The following UGGT2 variants were observed in gnomAD, a reference collection of about 807,000 sequenced individuals.
UGGT2 encodes the protein UDP-glucose glycoprotein glucosyltransferase 2, also known as UDP-glucose:glycoprotein glucosyltransferase 2.
UGGT2 carries 180 observed loss-of-function variants against 192.1 expected under a neutral mutation model. That is an observed-to-expected ratio of 0.94 (90% CI 0.83 to 1.06). UGGT2 has a LOEUF of 1.06. Among genes scored for constraint, UGGT2 ranks in the 50% least tolerant of loss-of-function variants. The probability of loss-of-function intolerance (pLI) is 0.00; values close to 1 mark genes in which losing one functional copy is unlikely to be tolerated. For missense variants in UGGT2, 1,849 were observed against 1,795.7 expected (o/e 1.03, Z -0.54); for synonymous variants, 580 against 591.0 (o/e 0.98, Z 0.27).
At chr13:95,992,165 T>C (rs1868852401) in intron 7 of UGGT2, among the ~76,000 whole-genome samples, 1 of 151,996 alleles carries the variant, frequency 6.6e-6, no homozygotes, top group Non-Finnish European at 1.5e-5. Context: ...CTAGACTCCG[T>C]CTCAAAGAAA....
At chr13:95,977,345 A>G (rs2050970300) in intron 10 of UGGT2, among the ~76,000 whole-genome samples, 2 of 152,228 alleles carry the variant, frequency 1.3e-5, no homozygotes. Context: ...GAACTTAAAC[A>G]AATTTACAAG....
chr13:96,023,310 G>T (rs2052568473), intron 3 of UGGT2, among the ~76,000 whole-genome samples, 158 bp from the exon 4 acceptor site: 1 of 151,974 alleles, frequency 6.6e-6, no homozygotes, highest in Non-Finnish European at 1.5e-5. Flanking sequence ...TAGAATCTAA[G>T]AAATATTTTA....
intron 31 of UGGT2, among the ~76,000 whole-genome samples, chr13:95,861,968 C>A (rs1890210397): frequency 6.6e-6 from 1 of 152,178 alleles, no homozygotes; most frequent in South Asian, 2.1e-4. Context: ...TTTAATATAG[C>A]AAGTGGCTAT....
intron 1 of UGGT2, among the ~76,000 whole-genome samples, chr13:96,039,343 A>T (rs554560464): frequency 6.6e-6 from 1 of 152,082 alleles, no homozygotes; most frequent in Non-Finnish European, 1.5e-5. Context: ...ATTCCCCAAA[A>T]CTTTGTAAGA....
intron 20 of UGGT2, among the ~76,000 whole-genome samples, chr13:95,922,469 TAAAGTCATATTG>T (rs1170603234): frequency 6.6e-6 from 1 of 152,094 alleles, no homozygotes. Context: ...TAAAAATAAA[TAAAGTCATATTG>T]AAAGAAAAAT....
intron 36 of UGGT2, among the ~76,000 whole-genome samples, chr13:95,849,839 T>C (rs8000849): frequency 0.37 from 54,421 of 148,540 alleles, 10,330 homozygotes; most frequent in Non-Finnish European, 0.42. Flanking sequence ...ATATATTAAT[T>C]TTTTATATAT....
chr13:95,810,369 T>A (rs1884521969), intron 38 of UGGT2, among the ~76,000 whole-genome samples: 1 of 152,240 alleles, frequency 6.6e-6, no homozygotes, highest in Non-Finnish European at 1.5e-5. Context: ...TAGCATAGTA[T>A]ATACTACAGT....
chr13:96,021,582 AAC>A (rs2052517623), intron 4 of UGGT2, among the ~76,000 whole-genome samples: 1 of 152,358 alleles, frequency 6.6e-6, no homozygotes, highest in Non-Finnish European at 1.5e-5. Context: ...TTCATTTATT[AAC>A]ACAGAAACAT....
intron 20 of UGGT2, among the ~76,000 whole-genome samples, chr13:95,909,242 C>T (rs1430415838): frequency 6.6e-6 from 1 of 152,116 alleles, no homozygotes; most frequent in African/African-American, 2.4e-5. Context: ...CCCAGCCATC[C>T]CATTACTGGG....
At chr13:95,864,534 G>T (rs953146266) in intron 30 of UGGT2, among the ~76,000 whole-genome samples, 1 of 152,264 alleles carries the variant, frequency 6.6e-6, no homozygotes. Context: ...CTCTTGCTGG[G>T]TTAGATGAAT....
intron 12 of UGGT2, among the ~76,000 whole-genome samples, chr13:95,952,705 T>G (rs1467305153): frequency 2.9e-4 from 44 of 152,144 alleles, no homozygotes; most frequent in Admixed American, 2.9e-3. Context: ...TTTGTGGGTT[T>G]TTTCCCTTCT....
intron 29 of UGGT2, among the ~76,000 whole-genome samples, chr13:95,869,241 T>A (rs1381208726): frequency 2.0e-5 from 3 of 152,110 alleles, no homozygotes; most frequent in Non-Finnish European, 4.4e-5. Context: ...GGCTGCATAG[T>A]ATTCCATGGT....
chr13:95,991,957 GATC>G (rs2051471704), intron 7 of UGGT2, among the ~76,000 whole-genome samples: 1 of 152,128 alleles, frequency 6.6e-6, no homozygotes, highest in South Asian at 2.1e-4. Flanking sequence ...GAGGTCAGGA[GATC>G]AAGACCATCC....
chr13:96,009,129 G>A (rs907377236), intron 5 of UGGT2, among the ~76,000 whole-genome samples: 1 of 152,108 alleles, frequency 6.6e-6, no homozygotes, highest in Non-Finnish European at 1.5e-5. Context: ...TGGGAAAACT[G>A]GCTAGCCATA....
At chr13:96,026,161 A>G (rs1384178936) in intron 2 of UGGT2, among the ~76,000 whole-genome samples, 1 of 151,548 alleles carries the variant, frequency 6.6e-6, no homozygotes, top group Non-Finnish European at 1.5e-5. Context: ...AACATTCTCT[A>G]GTTTAAAAAA....
chr13:95,843,560 A>G (rs907647978), intron 36 of UGGT2, among the ~76,000 whole-genome samples: 9 of 152,164 alleles, frequency 5.9e-5, no homozygotes, highest in Admixed American at 5.9e-4. Context: ...TTAACTCAAG[A>G]TCACAGAGAT....
In UGGT2 at chr13:95,927,275, G is replaced by C. The variant is rs750639217; in HGVS notation, c.2039C>G (p.Pro680Arg). ...DFLMDRNNVVPRINTLILRTN... is the reference protein window; with the variant it reads ...DFLMDRNNVVRRINTLILRTN... ...ACGCAAAATCAAAGTATTTATACGG[G>C]GTACAACATTATTCCTATCCATTAG... Residue 680 changes from proline to arginine, a missense_variant, in exon 18 of 39, where the codon CCC (proline) becomes CGC (arginine). Coordinates refer to ENST00000376747, the MANE Select transcript of UGGT2 (RefSeq NM_020121.4). The C allele has an allele frequency of 3.7e-6, 6 of 1,612,014 alleles. No individual in the cohort carries two copies. Among genetic ancestry groups the C allele is most frequent in the Non-Finnish European group, 5.1e-6 (6 of 1,179,260 alleles).
chr13:95,860,813 C>T lies in UGGT2; in HGVS notation c.3715G>A (p.Gly1239Ser), dbSNP rs775380168. The T allele has an allele frequency of 1.9e-5, 30 of 1,551,962 alleles. No homozygotes were observed. The South Asian group carries it at 3.4e-4, about 17-fold the overall frequency. ...DVLNIFSVAS[G>S]HLYERFLRIM... ...CTTAAAAAACGTTCATATAAATGAC[C>T]AGAAGCAACTGAAAAAATGTTTAGG... The change falls in exon 32 of 39, where the codon GGT (glycine) becomes AGT (serine). Residue 1239 changes from glycine to serine, a missense_variant. Transcript: ENST00000376747.
intron 36 of UGGT2, among the ~76,000 whole-genome samples, chr13:95,852,815 T>TG (rs1168620542): frequency 1.3e-5 from 2 of 151,738 alleles, no homozygotes; most frequent in Non-Finnish European, 2.9e-5. Flanking sequence ...AATATCAGGG[T>TG]GGGGGTGCAC....
Sources: gnomAD v4.1 joint callset for allele counts (sites outside exome capture counted in the v4.1 genomes callset) on GRCh38, gnomAD v4.1.1 for gene constraint, MANE v1.5 for transcripts, NCBI Gene and HGNC (gene_info 2026-07-23, HGNC 2026-07-21) for gene names.